The following GALNT11 variants were observed in gnomAD, a reference collection of about 807,000 sequenced individuals.
GALNT11 encodes the protein polypeptide N-acetylgalactosaminyltransferase 11, also known as UDP-GalNAc:polypeptide N-acetylgalactosaminyltransferase 11.
Under a neutral mutation model 72.7 loss-of-function variants are expected in GALNT11, and 47 were observed. The ratio of observed to expected loss-of-function variants is 0.65; its 90% CI spans 0.51 to 0.82. GALNT11 has a LOEUF of 0.82. Ranked by LOEUF, GALNT11 falls within the 40% of genes least tolerant of loss-of-function variation. The probability of loss-of-function intolerance (pLI) is 0.00; values close to 1 mark genes in which losing one functional copy is unlikely to be tolerated. For synonymous variants in GALNT11, 270 were observed against 286.6 expected (o/e 0.94, Z 0.58); for missense variants, 677 against 778.4 (o/e 0.87, Z 1.55).
intron 6 of GALNT11, among the ~76,000 whole-genome samples, chr7:152,110,160 C>T (rs916827379): frequency 6.6e-6 from 1 of 152,306 alleles, no homozygotes; most frequent in South Asian, 2.1e-4. Context: ...CAACTCCCAA[C>T]GTGTGATGTT....
At chr7:152,056,756 T>A (rs569006938) in intron 1 of GALNT11, among the ~76,000 whole-genome samples, 80 of 152,124 alleles carry the variant, frequency 5.3e-4, no homozygotes, top group African/African-American at 1.6e-3. Flanking sequence ...CATTATAACC[T>A]CTAGAAACCA....
chr7:152,036,175 C>G (rs1446069876), intron 1 of GALNT11, among the ~76,000 whole-genome samples: 1 of 152,166 alleles, frequency 6.6e-6, no homozygotes, highest in East Asian at 1.9e-4. Context: ...GTTGTGCTAT[C>G]AAATACTAGA....
At chr7:152,043,336 A>G (rs1445142259) in intron 1 of GALNT11, among the ~76,000 whole-genome samples, 1 of 152,228 alleles carries the variant, frequency 6.6e-6, no homozygotes, top group Non-Finnish European at 1.5e-5. Flanking sequence ...TTCCCCAGGC[A>G]GAAGGCTCAC....
chr7:152,099,342 T>TTTTATTTATTTATTTA (rs143805862), intron 2 of GALNT11, among the ~76,000 whole-genome samples: 17 of 143,578 alleles, frequency 1.2e-4, no homozygotes, highest in East Asian at 1.0e-3. Flanking sequence ...AAAAATGGAC[T>TTTTATTTATTTATTTA]TTTATTTATT....
chr7:152,099,826 A>G (rs1350920603), intron 2 of GALNT11, among the ~76,000 whole-genome samples: 2 of 136,692 alleles, frequency 1.5e-5, no homozygotes, highest in Non-Finnish European at 3.0e-5. Flanking sequence ...GTGCAGTGGC[A>G]CAACTGTGGC....
intron 1 of GALNT11, among the ~76,000 whole-genome samples, chr7:152,029,770 G>A (rs1037063280): frequency 2.0e-5 from 3 of 152,226 alleles, no homozygotes; most frequent in Admixed American, 6.5e-5. Flanking sequence ...CACCCAGGAG[G>A]AACCATCTAT....
rs924758933 is a variant in GALNT11 at position 152,105,366 on chromosome 7, G to A, written c.708G>A (p.Ala236=). The change falls in exon 5 of 12, where the codon GCG becomes GCA. Residue 236 remains alanine (A), a synonymous_variant. Coordinates refer to ENST00000430044, the MANE Select transcript of GALNT11 (RefSeq NM_022087.4). ...GGAGAATGATTGGCGCGGCCCACGC[G>A]ACAGGTATCACTTCTCGTTAGCTTT... ...IRGRMIGAAH[A]TGEVLVFLDS... 11 of 1,612,320 alleles carry A rather than the reference G, an allele frequency of 6.8e-6. No homozygotes were observed. The highest frequency in any genetic ancestry group is 3.3e-5 in the South Asian group (3 of 90,660).
chr7:152,082,687 G>A (rs2085389490), intron 1 of GALNT11, among the ~76,000 whole-genome samples: 1 of 152,206 alleles, frequency 6.6e-6, no homozygotes, highest in South Asian at 2.1e-4. Context: ...AATAAATTTT[G>A]CTGCTAAGAG....
intron 1 of GALNT11, among the ~76,000 whole-genome samples, chr7:152,060,360 C>A (rs1023128537): frequency 1.3e-5 from 2 of 152,122 alleles, no homozygotes; most frequent in Non-Finnish European, 2.9e-5. Flanking sequence ...CTTTTAATTC[C>A]CTTCAAGAAT....
chr7:152,036,066 A>C (rs1050040527), intron 1 of GALNT11, among the ~76,000 whole-genome samples: 2 of 152,078 alleles, frequency 1.3e-5, no homozygotes, highest in African/African-American at 4.8e-5. Context: ...TCATTCCCTT[A>C]AGCTTTCAGG....
At chr7:152,037,701 T>G (rs1490326150) in intron 1 of GALNT11, among the ~76,000 whole-genome samples, 1 of 152,194 alleles carries the variant, frequency 6.6e-6, no homozygotes. Context: ...TGTGGACATT[T>G]TAACAGTATT....
chr7:152,077,233 G>A (rs2085041176), intron 1 of GALNT11, among the ~76,000 whole-genome samples: 1 of 152,194 alleles, frequency 6.6e-6, no homozygotes, highest in Non-Finnish European at 1.5e-5. Context: ...GAGTAACCTA[G>A]TTAAAGCCAG....
intron 5 of GALNT11, 86 bp downstream of exon 5, chr7:152,105,456 T>A (rs1335520544): frequency 3.3e-6 from 5 of 1,518,328 alleles, no homozygotes; most frequent in Non-Finnish European, 4.4e-6. Flanking sequence ...GCAAAGTCTA[T>A]GAAGAGTAGT....
rs1353731448 is a variant in GALNT11 at position 152,113,331 on chromosome 7, C to T, written c.1166C>T (p.Pro389Leu). The change falls in exon 8 of 12, where the codon CCC (proline) becomes CTC (leucine). Residue 389 changes from proline (P) to leucine (L), a missense_variant. Coordinates refer to ENST00000430044, the MANE Select transcript of GALNT11 (RefSeq NM_022087.4). Reference sequence around the variant, plus strand: ...CGAAAAAGGCGACCATATGGATCTCCCGAAGGCCAGGACACCATGACACAC... The same window carrying T: ...CGAAAAAGGCGACCATATGGATCTCTCGAAGGCCAGGACACCATGACACAC... ...IFRKRRPYGSPEGQDTMTHNS... is the reference protein window; with the variant it reads ...IFRKRRPYGSLEGQDTMTHNS... 6.2e-7 allele frequency: 1 copy of T among 1,614,106 alleles called. No individual in the cohort carries two copies. The highest frequency in any genetic ancestry group is 8.5e-7 in the Non-Finnish European group (1 of 1,180,020).
intron 1 of GALNT11, among the ~76,000 whole-genome samples, chr7:152,059,947 A>G (rs2083906844): frequency 6.6e-6 from 1 of 152,184 alleles, no homozygotes; most frequent in Non-Finnish European, 1.5e-5. Flanking sequence ...CTAGCTATGA[A>G]AGGTTCTAAA....
intron 10 of GALNT11, chr7:152,119,795 C>G (rs2089256739): frequency 1.3e-5 from 2 of 152,144 alleles, no homozygotes; most frequent in Non-Finnish European, 2.9e-5. Flanking sequence ...GGAATTGGTT[C>G]AACCTGGGAG....
intron 10 of GALNT11, chr7:152,120,465 G>T (rs899477659): frequency 1.0e-5 from 2 of 195,702 alleles, no homozygotes; most frequent in East Asian, 1.7e-4. Flanking sequence ...AATGGCAGCC[G>T]TGTGCCCTTC....
intron 1 of GALNT11, among the ~76,000 whole-genome samples, chr7:152,074,095 C>G (rs1263254912): frequency 6.6e-6 from 1 of 152,072 alleles, no homozygotes; most frequent in Non-Finnish European, 1.5e-5. Flanking sequence ...TATAGGTTGT[C>G]TTTTCACTCT....
At chr7:152,031,326 A>G (rs1380634713) in intron 1 of GALNT11, among the ~76,000 whole-genome samples, 1 of 152,238 alleles carries the variant, frequency 6.6e-6, no homozygotes, top group African/African-American at 2.4e-5. Flanking sequence ...AGTCTGGACT[A>G]TAATTTGTTG....
Sources: allele counts gnomAD v4.1 joint callset (sites outside exome capture counted in the v4.1 genomes callset), GRCh38; gene constraint gnomAD v4.1.1; transcripts MANE v1.5; gene names NCBI Gene and HGNC (gene_info 2026-07-23, HGNC 2026-07-21).